Variants in PTPRD observed in about 807,000 individuals in gnomAD.
PTPRD encodes the protein receptor-type tyrosine-protein phosphatase delta.
Under a neutral mutation model 214.5 loss-of-function variants are expected in PTPRD, and 34 were observed. The ratio of observed to expected loss-of-function variants is 0.16; its 90% confidence interval spans 0.12 to 0.21. The LOEUF is 0.21. Among genes scored for constraint, PTPRD ranks in the 10% least tolerant of loss-of-function variants. PTPRD has a pLI of 1.00. For synonymous variants in PTPRD, 1,128 were observed against 845.7 expected (o/e 1.33, Z -5.79); for missense variants, 2,545 against 2,398.7 (o/e 1.06, Z -1.27).
chr9:10,138,879 G>A (rs1313686261), intron 3 of PTPRD, among the ~76,000 whole-genome samples: 10 of 151,954 alleles, frequency 6.6e-5, no homozygotes, highest in Admixed American at 6.6e-4. Context: ...AGCAAACTAA[G>A]CATTGAAGGA....
intron 2 of PTPRD, among the ~76,000 whole-genome samples, chr9:10,607,983 A>G (rs1240941792): frequency 2.0e-5 from 3 of 151,992 alleles, no homozygotes; most frequent in Non-Finnish European, 4.4e-5. Context: ...ACAAGGATGG[A>G]AAACCTCTCT....
chr9:9,027,624 A>T (rs1221302570), intron 10 of PTPRD, among the ~76,000 whole-genome samples: 1 of 151,930 alleles, frequency 6.6e-6, no homozygotes, highest in Admixed American at 6.6e-5. Context: ...GGACCTATCT[A>T]TCAAGAGGTC....
At chr9:9,677,920 C>T (rs1201699874) in intron 7 of PTPRD, among the ~76,000 whole-genome samples, 3 of 152,016 alleles carry the variant, frequency 2.0e-5, no homozygotes, top group African/African-American at 7.2e-5. Context: ...TCTTACACAC[C>T]AATAACAGAC....
At chr9:9,185,684 C>T (rs989737984) in intron 9 of PTPRD, among the ~76,000 whole-genome samples, 1 of 152,008 alleles carries the variant, frequency 6.6e-6, no homozygotes, top group African/African-American at 2.4e-5. Context: ...TTCCATTACT[C>T]ATTTAGATGA....
At chr9:9,739,611 A>C (rs2154449006) in intron 6 of PTPRD, among the ~76,000 whole-genome samples, 1 of 151,464 alleles carries the variant, frequency 6.6e-6, no homozygotes, top group African/African-American at 2.4e-5. Context: ...CATCACTGTC[A>C]CTTTCATCAG....
At chr9:10,205,389 T>C (rs187197648) in intron 3 of PTPRD, among the ~76,000 whole-genome samples, 1 of 151,410 alleles carries the variant, frequency 6.6e-6, no homozygotes, top group East Asian at 1.9e-4. Context: ...TTATTTTATT[T>C]TATTTTATTT....
intron 3 of PTPRD, among the ~76,000 whole-genome samples, chr9:10,094,985 T>C (rs1017464490): frequency 1.3e-5 from 2 of 151,550 alleles, no homozygotes; most frequent in African/African-American, 4.8e-5. Flanking sequence ...TGTTTTAGGA[T>C]TCATTACAAT....
At chr9:8,787,356 T>C (rs576760708) in intron 11 of PTPRD, among the ~76,000 whole-genome samples, 1 of 152,186 alleles carries the variant, frequency 6.6e-6, no homozygotes, top group Non-Finnish European at 1.5e-5. Flanking sequence ...ATTTCTCTAA[T>C]ATTAAAAATG....
In PTPRD at chr9:10,203,771, T is replaced by C. The variant is rs78099561; in HGVS notation, c.-545+137192A>G. 1.1e-3 allele frequency among the ~76,000 whole-genome samples: 174 copies of C among 152,302 alleles called. 2 individuals carry two copies. In the East Asian group the frequency reaches 0.032, roughly 28 times the overall value. ...TATGCCTGTGACAGATACACAACCATTCTGTATTACAAACTTCTCAGTCGA... is the reference window on the plus strand; with the variant it reads ...TATGCCTGTGACAGATACACAACCACTCTGTATTACAAACTTCTCAGTCGA... On this transcript the variant is annotated intron_variant, in intron 3 of 45. Coordinates refer to ENST00000381196, the MANE Select transcript of PTPRD (RefSeq NM_002839.4).
intron 5 of PTPRD, among the ~76,000 whole-genome samples, chr9:9,811,780 G>T (rs149150134): frequency 6.6e-6 from 1 of 152,132 alleles, no homozygotes; most frequent in Non-Finnish European, 1.5e-5. Context: ...TTGTTGAAAT[G>T]ACAACAAAAT....
At chr9:9,708,587 C>T (rs766834845) in intron 7 of PTPRD, among the ~76,000 whole-genome samples, 5 of 151,832 alleles carry the variant, frequency 3.3e-5, no homozygotes, top group Admixed American at 1.3e-4. Flanking sequence ...GAGGACAACC[C>T]GATTTCAAAG....
At position 8,572,471 on chromosome 9, in the gene PTPRD, C is replaced by T. The variant is rs186105535; in HGVS notation, c.353-43692G>A. On this transcript the variant is annotated intron_variant, in intron 14 of 45. Transcript: ENST00000381196. The stretch of plus-strand genomic sequence containing the variant: ...ATAAAATGACTTCAGGGAAACTCTT[C>T]ACTTAGGGAAAAAAGCAATTATGAG... Among the ~76,000 whole-genome samples, 186 of 152,018 alleles carry T rather than the reference C, an allele frequency of 1.2e-3. 1 individual carries two copies. The highest frequency in any genetic ancestry group is 3.9e-3 in the African/African-American group (160 of 41,480).
chr9:8,791,493 G>A (rs947785162), intron 11 of PTPRD, among the ~76,000 whole-genome samples: 1 of 148,900 alleles, frequency 6.7e-6, no homozygotes, highest in Non-Finnish European at 1.5e-5. Flanking sequence ...CAAAGTGCTC[G>A]GATTACAGGC....
chr9:9,165,262 T>C (rs926916475), intron 10 of PTPRD, among the ~76,000 whole-genome samples: 5 of 152,188 alleles, frequency 3.3e-5, no homozygotes, highest in African/African-American at 1.2e-4. Context: ...TTTTGTTGTT[T>C]GAAATAAGTA....
intron 3 of PTPRD, among the ~76,000 whole-genome samples, chr9:10,248,188 C>T (rs1021955016): frequency 2.6e-5 from 4 of 152,004 alleles, no homozygotes; most frequent in African/African-American, 7.2e-5. Flanking sequence ...AGCGTGGAAA[C>T]GGACTAATAC....
intron 8 of PTPRD, among the ~76,000 whole-genome samples, chr9:9,549,193 A>G (rs1358215886): frequency 2.6e-5 from 4 of 152,254 alleles, no homozygotes; most frequent in African/African-American, 9.6e-5. Context: ...TCACCTTATC[A>G]AAAGACATTG....
chr9:10,482,516 G>T lies in PTPRD; in HGVS notation c.-600+129882C>A, dbSNP rs552684862. ...TTGCCAATGATATGATCTTATCTTAGAAAACCCTAAAAGACCCCTCCAAAA... is the reference window on the plus strand; with the variant it reads ...TTGCCAATGATATGATCTTATCTTATAAAACCCTAAAAGACCCCTCCAAAA... On this transcript the variant is annotated intron_variant, in intron 2 of 45. Coordinates refer to ENST00000381196, the MANE Select transcript of PTPRD (RefSeq NM_002839.4). Among the ~76,000 whole-genome samples, 9 of 130,470 alleles carry T rather than the reference G, an allele frequency of 6.9e-5. No individual in the cohort carries two copies. The East Asian group carries it at 2.1e-3, about 31-fold the overall frequency. 85.6% of individuals were successfully genotyped at this position (130,470 alleles called of 152,430 possible).
At chr9:10,318,569 C>T (rs1596989498) in intron 3 of PTPRD, among the ~76,000 whole-genome samples, 1 of 151,988 alleles carries the variant, frequency 6.6e-6, no homozygotes, top group African/African-American at 2.4e-5. Context: ...AGGATTACTG[C>T]TAGCTACATT....
At chr9:9,825,380 GA>G (rs2052414333) in intron 5 of PTPRD, among the ~76,000 whole-genome samples, 1 of 149,292 alleles carries the variant, frequency 6.7e-6, no homozygotes, top group Non-Finnish European at 1.5e-5. Flanking sequence ...GACACAGAGA[GA>G]CAGAGAGAGA....
Sources: gnomAD v4.1 joint callset for allele counts (sites outside exome capture counted in the v4.1 genomes callset) on GRCh38, gnomAD v4.1.1 for gene constraint, MANE v1.5 for transcripts, NCBI Gene and HGNC (gene_info 2026-07-23, HGNC 2026-07-21) for gene names.